HDGFL3: variants seen among roughly 807,000 people sequenced by gnomAD.
The protein encoded by HDGFL3 is hepatoma-derived growth factor-related protein 3.
HDGFL3 carries 6 observed loss-of-function variants against 27.6 expected under a neutral mutation model. That is an observed-to-expected ratio of 0.22 (90% confidence interval 0.12 to 0.43). The LOEUF (loss-of-function observed/expected upper bound fraction) is 0.43. Ranked by LOEUF, HDGFL3 falls within the 20% of genes least tolerant of loss-of-function variation. HDGFL3 has a pLI of 1.00. For synonymous variants in HDGFL3, 88 were observed against 88.9 expected, an observed-to-expected ratio of 0.99 and a Z score of 0.05; for missense variants, 207 against 250.1, an observed-to-expected ratio of 0.83 and a Z score of 1.16.
chr15:83,168,650 C>T (rs1012174450), intron 1 of HDGFL3, among the ~76,000 whole-genome samples: 5 of 151,964 alleles, frequency 3.3e-5, no homozygotes, highest in Admixed American at 2.6e-4. Context: ...AAAAACCTAC[C>T]CCAAAAAAGT....
chr15:83,192,569 C>T lies in HDGFL3; in HGVS notation c.84+14762G>A, dbSNP rs140521165. On this transcript the variant is annotated intron_variant, in intron 1 of 5. Coordinates refer to ENST00000299633, the MANE Select transcript of HDGFL3 (RefSeq NM_016073.4). The stretch of plus-strand genomic sequence containing the variant: ...ATATTTCCATAAGTACAGGTTAAGA[C>T]TTGGTTGTGGGAACATAAATGTCCA... Among the ~76,000 whole-genome samples, 16 of 152,276 alleles carry T rather than the reference C, an allele frequency of 1.1e-4. No individual in the cohort carries two copies. In the East Asian group the frequency reaches 3.1e-3, roughly 29 times the overall value.
In HDGFL3 at chr15:83,207,438, G is replaced by A. The variant is rs541205852; in HGVS notation, c.-24C>T. The A allele has an allele frequency of 9.3e-6, 12 of 1,284,804 alleles. No individual in the cohort carries two copies. Among genetic ancestry groups the A allele is most frequent in the Admixed American group, 3.8e-5 (1 of 26,374 alleles). 79.6% of individuals were successfully genotyped at this position (1,284,804 alleles called of 1,614,324 possible). On this transcript the variant is annotated 5_prime_UTR_variant, in exon 1 of 6. Coordinates refer to ENST00000299633, the MANE Select transcript of HDGFL3 (RefSeq NM_016073.4). This position sits in a 1 kb window ranked among gnomAD's most constrained non-coding sequence, Gnocchi z 4.8. ...ATCCCAGCCGCTCCCCTTCCTGGTA[G>A]TCCTTGGTCGCCGCGAAGATGCCGG...
At chr15:83,195,586 A>G (rs1415000480) in intron 1 of HDGFL3, among the ~76,000 whole-genome samples, 2 of 152,092 alleles carry the variant, frequency 1.3e-5, no homozygotes, top group Non-Finnish European at 2.9e-5. Flanking sequence ...CTAACCCAGA[A>G]GAGATACTCA....
chr15:83,135,278 C>T lies in HDGFL3; in HGVS notation c.*3992G>A, dbSNP rs904945897. On this transcript the variant is annotated 3_prime_UTR_variant, in exon 6 of 6. Coordinates refer to ENST00000299633, the MANE Select transcript of HDGFL3 (RefSeq NM_016073.4). ...CATGGTGAAGTCAAGTAAGTAACAC[C>T]TTTATCTGTGAAATCACTCAGCAGA... 5.9e-5 allele frequency: 9 copies of T among 152,170 alleles called. No individual in the cohort carries two copies. Among genetic ancestry groups the T allele is most frequent in the Non-Finnish European group, 1.2e-4 (8 of 68,018 alleles). The allele number at this position is 152,170 out of a possible 1,614,324, so 9.4% of individuals were successfully genotyped here. A position where few individuals can be genotyped will look rare whatever the true frequency, so the allele number is the denominator to read the frequency against.
chr15:83,194,474 G>C (rs1466303920), intron 1 of HDGFL3, among the ~76,000 whole-genome samples: 4 of 152,148 alleles, frequency 2.6e-5, no homozygotes, highest in Non-Finnish European at 5.9e-5. Context: ...GAGATAGAGA[G>C]TGGTGATGGT....
At position 83,163,987 on chromosome 15, in the gene HDGFL3, T is replaced by C; in HGVS notation, c.161+12A>G. On this transcript the variant is annotated intron_variant, in intron 2 of 5. Transcript: ENST00000299633. ...CAAGCTAGAGCTGTTGAAACTATTT[T>C]TGCTAACTTACGTTTCATGGGTGCC... 2 of 1,601,350 alleles carry C rather than the reference T, an allele frequency of 1.2e-6. No homozygotes were observed. Among genetic ancestry groups the C allele is most frequent in the South Asian group, 1.1e-5 (1 of 90,664 alleles).
At chr15:83,124,519 A>G (rs2035556590), downstream of HDGFL3, among the ~76,000 whole-genome samples, 2 of 152,188 alleles carry the variant, frequency 1.3e-5, no homozygotes, top group South Asian at 4.1e-4. Flanking sequence ...GAGGAAGGAA[A>G]TGATTTTCCT....
chr15:83,156,732 C>T (rs1242971351), intron 4 of HDGFL3, among the ~76,000 whole-genome samples: 1 of 151,840 alleles, frequency 6.6e-6, no homozygotes, highest in Admixed American at 6.6e-5. Context: ...CTCGCTCTGT[C>T]ACCCAGGCTG....
intron 1 of HDGFL3, among the ~76,000 whole-genome samples, chr15:83,166,607 C>T (rs544514115): frequency 9.9e-5 from 15 of 152,240 alleles, no homozygotes; most frequent in African/African-American, 3.4e-4. Context: ...TAAAGAAGAA[C>T]CCGAGACAGG....
At chr15:83,119,465 T>G in intron 3 of HDGFL3, 1 of 1,066,490 alleles carries the variant, frequency 9.4e-7, no homozygotes, top group Non-Finnish European at 1.4e-6. Context: ...AGTTTCATCT[T>G]AGCAGATGAA....
intron 1 of HDGFL3, among the ~76,000 whole-genome samples, chr15:83,204,208 A>G (rs1196383735): frequency 5.3e-5 from 8 of 151,608 alleles, no homozygotes; most frequent in Non-Finnish European, 1.2e-4. Context: ...TGTATCACAT[A>G]TACTTATATA....
At chr15:83,186,309 G>A (rs1596564312) in intron 1 of HDGFL3, among the ~76,000 whole-genome samples, 1 of 152,196 alleles carries the variant, frequency 6.6e-6, no homozygotes, top group Non-Finnish European at 1.5e-5. Flanking sequence ...AACAAAGCAG[G>A]AGATACCAGA....
chr15:83,164,367 C>CAAAAAAAGAAAAAAA (rs2037138868), intron 1 of HDGFL3, among the ~76,000 whole-genome samples: 1 of 38,380 alleles, frequency 2.6e-5, no homozygotes, highest in Non-Finnish European at 4.8e-5. Context: ...TTAGAGTAAC[C>CAAAAAAAGAAAAAAA]AAAAAAAAAA....
intron 1 of HDGFL3, among the ~76,000 whole-genome samples, chr15:83,170,968 C>A (rs185275792): frequency 1.8e-4 from 27 of 150,052 alleles, no homozygotes; most frequent in African/African-American, 6.4e-4. Context: ...CCAAGAAACA[C>A]GAAAAAACTT....
At position 83,135,702 on chromosome 15, in the gene HDGFL3, G is replaced by C. The variant is rs2036560952; in HGVS notation, c.*3568C>G. ...TTTTCTGAATAAGTATATAAGTAGA[G>C]AGGGAGGCCATTTTGCAAATGCGGA... is the stretch of plus-strand genomic sequence containing the variant. On this transcript the variant is annotated 3_prime_UTR_variant, in exon 6 of 6. Transcript: ENST00000299633. 1 of 152,210 alleles carries C rather than the reference G, an allele frequency of 6.6e-6. No homozygotes were observed. The highest frequency in any genetic ancestry group is 1.5e-5 in the Non-Finnish European group (1 of 68,042). The allele number at this position is 152,210 out of a possible 1,614,324, so 9.4% of individuals were successfully genotyped here. A position where few individuals can be genotyped will look rare whatever the true frequency, so the allele number is the denominator to read the frequency against.
intron 4 of HDGFL3, among the ~76,000 whole-genome samples, chr15:83,155,799 G>A (rs2037022304): frequency 6.6e-6 from 1 of 152,148 alleles, no homozygotes; most frequent in East Asian, 1.9e-4. Context: ...TTAAATAGAA[G>A]TAATTTATCC....
At chr15:83,198,184 T>A (rs1404843312) in intron 1 of HDGFL3, among the ~76,000 whole-genome samples, 1 of 152,070 alleles carries the variant, frequency 6.6e-6, no homozygotes, top group Non-Finnish European at 1.5e-5. Flanking sequence ...AGGGGACATA[T>A]TGGCCTGGAT....
chr15:83,164,345 C>T (rs559269225), intron 1 of HDGFL3, among the ~76,000 whole-genome samples: 9 of 118,188 alleles, frequency 7.6e-5, no homozygotes, highest in African/African-American at 3.0e-4. Flanking sequence ...GGGAATCTGT[C>T]CTAGTGAAAA....
At chr15:83,168,761 T>C (rs187918909) in intron 1 of HDGFL3, among the ~76,000 whole-genome samples, 31 of 152,278 alleles carry the variant, frequency 2.0e-4, no homozygotes, top group African/African-American at 7.5e-4. Context: ...GGGATGCCTC[T>C]TCCACTCATT....
Sources: gnomAD v4.1 joint callset for allele counts (sites outside exome capture counted in the v4.1 genomes callset) on GRCh38, gnomAD v4.1.1 for gene constraint, Gnocchi (gnomAD v3.1) non-coding constraint, MANE v1.5 for transcripts, NCBI Gene and HGNC (gene_info 2026-07-23, HGNC 2026-07-21) for gene names.